Variants in GABBR2 observed in about 807,000 individuals in gnomAD.
GABBR2 encodes G-protein coupled receptor 51.
In GABBR2, 23 loss-of-function variants were observed where a neutral mutation model predicts 105.6. That is an observed-to-expected ratio of 0.22 (90% CI 0.16 to 0.31). The LOEUF (loss-of-function observed/expected upper bound fraction) is 0.31. GABBR2 is among the 10% of genes least tolerant of loss of function. GABBR2 has a pLI of 1.00. For missense variants in GABBR2, 734 were observed against 1,245.5 expected (o/e 0.59, Z 6.18); for synonymous variants, 478 against 499.7 (o/e 0.96, Z 0.58).
At chr9:98,314,637 C>G (rs991485990) in intron 13 of GABBR2, among the ~76,000 whole-genome samples, 2 of 152,174 alleles carry the variant, frequency 1.3e-5, no homozygotes, top group Non-Finnish European at 2.9e-5. Flanking sequence ...AGTGCTTTCA[C>G]GGAGCCACAG....
chr9:98,328,447 A>G (rs1212731951), intron 13 of GABBR2, among the ~76,000 whole-genome samples: 3 of 152,258 alleles, frequency 2.0e-5, no homozygotes, highest in Non-Finnish European at 4.4e-5. Flanking sequence ...AATCCCTTTT[A>G]GAAATGGGAA....
chr9:98,297,477 G>A (rs1014569539), intron 17 of GABBR2, among the ~76,000 whole-genome samples: 1 of 151,946 alleles, frequency 6.6e-6, no homozygotes, highest in Admixed American at 6.6e-5. Context: ...GCTGGGTGCA[G>A]TGGCAGGCAC....
chr9:98,577,391 G>T (rs1320799712), intron 2 of GABBR2, among the ~76,000 whole-genome samples: 2 of 152,212 alleles, frequency 1.3e-5, no homozygotes, highest in African/African-American at 2.4e-5. Flanking sequence ...AAATCTGCCA[G>T]GGCAAAGAGT....
chr9:98,509,238 G>T (rs1827583522), intron 3 of GABBR2, among the ~76,000 whole-genome samples: 1 of 152,126 alleles, frequency 6.6e-6, no homozygotes, highest in Admixed American at 6.5e-5. Context: ...CTAACAAACA[G>T]AAAGGAAAGC....
At chr9:98,422,514 G>C (rs75471898) in intron 7 of GABBR2, among the ~76,000 whole-genome samples, 5 of 151,780 alleles carry the variant, frequency 3.3e-5, no homozygotes, top group Non-Finnish European at 5.9e-5. Context: ...GTGTGTGTGT[G>C]TGTGTGTCTG....
intron 1 of GABBR2, among the ~76,000 whole-genome samples, chr9:98,580,769 C>G (rs10986822): frequency 0.2 from 30,292 of 152,070 alleles, 3,445 homozygotes; most frequent in African/African-American, 0.31. Context: ...CTTGACAGAG[C>G]AAGGCTCCAT....
At chr9:98,364,370 G>T (rs1414424687) in intron 12 of GABBR2, among the ~76,000 whole-genome samples, 1 of 152,156 alleles carries the variant, frequency 6.6e-6, no homozygotes, top group Non-Finnish European at 1.5e-5. Context: ...CCAGGCATTT[G>T]TCCAGCTATT....
At chr9:98,634,556 A>C (rs1488530361) in intron 1 of GABBR2, among the ~76,000 whole-genome samples, 4 of 152,238 alleles carry the variant, frequency 2.6e-5, no homozygotes, top group African/African-American at 9.6e-5. Flanking sequence ...GCCAAAGAAC[A>C]CCAGAGCCAC....
intron 3 of GABBR2, among the ~76,000 whole-genome samples, chr9:98,500,229 C>G (rs1827372209): frequency 6.6e-6 from 1 of 152,268 alleles, no homozygotes; most frequent in African/African-American, 2.4e-5. Flanking sequence ...TACACTCACA[C>G]ACACAACACA....
intron 13 of GABBR2, among the ~76,000 whole-genome samples, chr9:98,354,649 C>T (rs762013288): frequency 1.3e-5 from 2 of 152,230 alleles, no homozygotes; most frequent in Non-Finnish European, 2.9e-5. Context: ...TCTTCTGCAA[C>T]TTCCTCACCT....
In GABBR2 at chr9:98,374,948, A is replaced by G. The variant is rs184349001; in HGVS notation, c.1663-3377T>C. Among the ~76,000 whole-genome samples, 31 of 152,256 alleles carry G rather than the reference A, an allele frequency of 2.0e-4. No homozygotes were observed. The East Asian group carries it at 3.9e-3, about 19-fold the overall frequency. ...GCTGCATCCCATTGCTGTCTGGTGT[A>G]GAGAACTGACCAACCACCTTGTCTC... On this transcript the variant is annotated intron_variant, in intron 11 of 18. Transcript: ENST00000259455.
At chr9:98,608,336 G>A (rs1163194534) in intron 1 of GABBR2, among the ~76,000 whole-genome samples, 3 of 152,152 alleles carry the variant, frequency 2.0e-5, no homozygotes, top group Non-Finnish European at 4.4e-5. Flanking sequence ...TACTTAGAAA[G>A]TAACAGCTCT....
chr9:98,677,595 A>G (rs758167926), intron 1 of GABBR2, among the ~76,000 whole-genome samples: 1 of 152,188 alleles, frequency 6.6e-6, no homozygotes, highest in South Asian at 2.1e-4. Flanking sequence ...TGGCCCTTAG[A>G]TAAGTCAAAT....
intron 13 of GABBR2, among the ~76,000 whole-genome samples, chr9:98,332,307 G>T (rs1313419212): frequency 6.6e-6 from 1 of 152,186 alleles, no homozygotes; most frequent in Non-Finnish European, 1.5e-5. Flanking sequence ...TGGGAGGTTG[G>T]CAGGGTAGTT....
At chr9:98,322,168 G>A (rs1830834171) in intron 13 of GABBR2, among the ~76,000 whole-genome samples, 1 of 151,892 alleles carries the variant, frequency 6.6e-6, no homozygotes, top group Non-Finnish European at 1.5e-5. Context: ...GGGGGCACCA[G>A]GGGCACCCTC....
rs1019693605 is a variant in GABBR2, at chr9:98,508,424, G to T, written c.631-11910C>A. 2.6e-5 allele frequency among the ~76,000 whole-genome samples: 4 copies of T among 152,380 alleles called. No individual in the cohort carries two copies. The East Asian group carries it at 7.7e-4, about 29-fold the overall frequency. ...AGTGCCAGACAGTAAGTGCAGGACAGTGGGTGCAGCGCACCGTGCGCGAGC... is the reference window on the plus strand; with the variant it reads ...AGTGCCAGACAGTAAGTGCAGGACATTGGGTGCAGCGCACCGTGCGCGAGC... On this transcript the variant is annotated intron_variant, in intron 3 of 18. Transcript: ENST00000259455.
At chr9:98,303,900 T>TA in intron 15 of GABBR2, among the ~76,000 whole-genome samples, 1 of 152,364 alleles carries the variant, frequency 6.6e-6, no homozygotes, top group Middle Eastern at 3.4e-3. Context: ...TTTAGCAGCT[T>TA]AAAACAACAC....
Position 98,605,286 on chromosome 9 carries a change from G to T in GABBR2, c.322-27214C>A, listed in dbSNP as rs371850750. Among the ~76,000 whole-genome samples, 72 of 152,360 alleles carry T rather than the reference G, an allele frequency of 4.7e-4. 3 individuals are homozygous for T. In the South Asian group the frequency reaches 0.015, roughly 32 times the overall value. ...CCAGAGCTTGGAGGCAACAAGGGGA[G>T]CACAGCTCTCAGCATGAACACGGGG... is the stretch of plus-strand genomic sequence containing the variant. On this transcript the variant is annotated intron_variant, in intron 1 of 18. Transcript: ENST00000259455.
intron 13 of GABBR2, among the ~76,000 whole-genome samples, chr9:98,320,682 C>T (rs1830804195): frequency 6.6e-6 from 1 of 151,882 alleles, no homozygotes; most frequent in African/African-American, 2.4e-5. Flanking sequence ...TTTGTAGGGA[C>T]ATGGATGAAA....
Sources: gnomAD v4.1 joint callset for allele counts (sites outside exome capture counted in the v4.1 genomes callset) on GRCh38, gnomAD v4.1.1 for gene constraint, MANE v1.5 for transcripts, NCBI Gene and HGNC (gene_info 2026-07-23, HGNC 2026-07-21) for gene names.